The following ADAMTSL1 variants were observed in gnomAD, a reference collection of about 807,000 sequenced individuals.
The protein encoded by ADAMTSL1 is ADAMTS-like protein 1.
ADAMTSL1 carries 126 observed loss-of-function variants against 201.8 expected under a neutral mutation model. The ratio of observed to expected loss-of-function variants is 0.62; its 90% confidence interval spans 0.54 to 0.72. The LOEUF is 0.72. Among genes scored for constraint, ADAMTSL1 ranks in the 30% least tolerant of loss-of-function variants. The pLI, the probability that ADAMTSL1 is intolerant of heterozygous loss-of-function variation, is 0.00. For synonymous variants in ADAMTSL1, 1,121 were observed against 903.4 expected (o/e 1.24, Z -4.32); for missense variants, 2,679 against 2,277.8 (o/e 1.18, Z -3.59).
chr9:18,862,954 G>C (rs16937157), intron 23 of ADAMTSL1, among the ~76,000 whole-genome samples: 1 of 152,208 alleles, frequency 6.6e-6, no homozygotes, highest in African/African-American at 2.4e-5. Context: ...TGGGAACCCT[G>C]TGTATTATCC....
chr9:18,417,598 AAAC>A (rs1202149683), intron 2 of ADAMTSL1, among the ~76,000 whole-genome samples: 1 of 152,142 alleles, frequency 6.6e-6, no homozygotes, highest in Non-Finnish European at 1.5e-5. Flanking sequence ...AGAATACTAC[AAAC>A]AACTCTGCTC....
At chr9:18,012,226 G>T (rs1027779053) in intron 1 of ADAMTSL1, among the ~76,000 whole-genome samples, 3 of 152,002 alleles carry the variant, frequency 2.0e-5, no homozygotes, top group African/African-American at 7.2e-5. Flanking sequence ...GCTTTGGGAA[G>T]GGTGGTGGCT....
intron 1 of ADAMTSL1, among the ~76,000 whole-genome samples, chr9:18,074,966 ATG>A (rs1823150609): frequency 6.6e-6 from 1 of 152,170 alleles, no homozygotes; most frequent in Non-Finnish European, 1.5e-5. Flanking sequence ...TTGGAAATAA[ATG>A]TACATTTCTT....
chr9:18,502,446 T>A (rs1822893692), intron 1 of ADAMTSL1, among the ~76,000 whole-genome samples: 7 of 152,198 alleles, frequency 4.6e-5, no homozygotes, highest in Admixed American at 4.6e-4. Flanking sequence ...GATACACAAT[T>A]AACTTTTTAA....
intron 2 of ADAMTSL1, among the ~76,000 whole-genome samples, chr9:18,210,295 C>G (rs1829813833): frequency 6.7e-6 from 1 of 150,042 alleles, no homozygotes; most frequent in Non-Finnish European, 1.5e-5. Context: ...AATTTTAACT[C>G]ATTCATTAAA....
At chr9:18,197,124 G>C (rs1364909699) in intron 2 of ADAMTSL1, among the ~76,000 whole-genome samples, 2 of 152,130 alleles carry the variant, frequency 1.3e-5, no homozygotes, top group Non-Finnish European at 2.9e-5. Flanking sequence ...CTTATTCAGA[G>C]TAATGACTGA....
chr9:17,915,028 TTTTA>T (rs1826040988), intron 1 of ADAMTSL1, among the ~76,000 whole-genome samples: 2 of 152,178 alleles, frequency 1.3e-5, no homozygotes, highest in Non-Finnish European at 2.9e-5. Flanking sequence ...TACTAAGGAT[TTTTA>T]TTTGTTTTGC....
At chr9:18,374,498 A>C (rs1364188202) in intron 2 of ADAMTSL1, among the ~76,000 whole-genome samples, 1 of 151,676 alleles carries the variant, frequency 6.6e-6, no homozygotes. Context: ...TCACCTGGCT[A>C]ATTTTTGTAT....
chr9:18,669,127 C>T (rs1829650323), intron 9 of ADAMTSL1, among the ~76,000 whole-genome samples: 1 of 152,232 alleles, frequency 6.6e-6, no homozygotes. Context: ...GCACAGCCAG[C>T]ACAGAACCAT....
intron 2 of ADAMTSL1, among the ~76,000 whole-genome samples, chr9:18,532,025 T>C (rs1587478966): frequency 1.3e-5 from 2 of 152,176 alleles, no homozygotes; most frequent in East Asian, 1.9e-4. Context: ...TTTATACATA[T>C]AACAAACTTA....
At chr9:18,587,849 T>C (rs974050883) in intron 4 of ADAMTSL1, among the ~76,000 whole-genome samples, 2 of 152,218 alleles carry the variant, frequency 1.3e-5, no homozygotes, top group South Asian at 4.1e-4. Context: ...TGTGTATATA[T>C]ACCATGTGTC....
rs866809509 is a variant in ADAMTSL1 at position 18,649,880 on chromosome 9, T to G, written c.835-7759T>G. Among the ~76,000 whole-genome samples the G allele has an allele frequency of 5.3e-5, 8 of 152,230 alleles. No individual in the cohort carries two copies. In the South Asian group the frequency reaches 1.7e-3, roughly 32 times the overall value. Reference sequence around the variant, plus strand: ...AGGAGGCAGTCTGCCCGTTCTCAGATCTCCAGCTGCGTGCTGGGAGAACCA... The same window carrying G: ...AGGAGGCAGTCTGCCCGTTCTCAGAGCTCCAGCTGCGTGCTGGGAGAACCA... On this transcript the variant is annotated intron_variant, in intron 7 of 28. Transcript: ENST00000380548.
intron 1 of ADAMTSL1, among the ~76,000 whole-genome samples, chr9:18,048,061 T>C (rs1445181059): frequency 1.3e-5 from 2 of 152,216 alleles, no homozygotes; most frequent in East Asian, 3.9e-4. Context: ...AGTAAACATT[T>C]GACACTATGC....
At chr9:18,035,776 C>T (rs567592188) in intron 1 of ADAMTSL1, among the ~76,000 whole-genome samples, 10 of 152,156 alleles carry the variant, frequency 6.6e-5, no homozygotes, top group African/African-American at 9.6e-5. Flanking sequence ...TTGACTATTT[C>T]GTTATTACAA....
chr9:18,458,091 C>T (rs560347921), intron 2 of ADAMTSL1, among the ~76,000 whole-genome samples: 2 of 152,184 alleles, frequency 1.3e-5, no homozygotes, highest in Non-Finnish European at 2.9e-5. Context: ...ATACCCTACT[C>T]CTTTTTTTGC....
At chr9:18,179,453 C>T (rs1013249176) in intron 2 of ADAMTSL1, among the ~76,000 whole-genome samples, 6 of 152,288 alleles carry the variant, frequency 3.9e-5, no homozygotes, top group Admixed American at 3.9e-4. Context: ...AAACACTCTG[C>T]AGGATATTAT....
intron 6 of ADAMTSL1, among the ~76,000 whole-genome samples, 155 bp from the exon 7 acceptor site, chr9:18,639,099 G>T (rs139828749): frequency 1.3e-5 from 2 of 152,214 alleles, no homozygotes; most frequent in African/African-American, 4.8e-5. Flanking sequence ...AGCAGTGCCT[G>T]TATAGTTTGT....
At chr9:18,457,704 TTC>T (rs890917617) in intron 2 of ADAMTSL1, among the ~76,000 whole-genome samples, 5 of 152,202 alleles carry the variant, frequency 3.3e-5, no homozygotes, top group African/African-American at 1.2e-4. Context: ...GTAGTATGGG[TTC>T]TGAGTCATGC....
chr9:18,894,382 A>G (rs1339681574), intron 26 of ADAMTSL1, among the ~76,000 whole-genome samples: 4 of 129,686 alleles, frequency 3.1e-5, no homozygotes, highest in Non-Finnish European at 6.2e-5. Flanking sequence ...TGCTGTCTGC[A>G]GTATAGTGAT....
Sources: gnomAD v4.1 joint callset for allele counts (sites outside exome capture counted in the v4.1 genomes callset) on GRCh38, gnomAD v4.1.1 for gene constraint, MANE v1.5 for transcripts, NCBI Gene and HGNC (gene_info 2026-07-23, HGNC 2026-07-21) for gene names.